Variants in WDR70 observed in about 807,000 individuals in gnomAD.
WDR70 encodes WD repeat-containing protein 70.
A neutral mutation model predicts 88.6 loss-of-function variants in WDR70; 53 were observed. The ratio of observed to expected loss-of-function variants is 0.60; its 90% CI spans 0.48 to 0.75. The LOEUF (loss-of-function observed/expected upper bound fraction) is 0.75, where lower values mean the gene tolerates loss of function less well. Ranked by LOEUF, WDR70 falls within the 30% of genes least tolerant of loss-of-function variation. The probability of loss-of-function intolerance (pLI) is 0.00; values close to 1 mark genes in which losing one functional copy is unlikely to be tolerated. For synonymous variants in WDR70, 280 were observed against 270.0 expected (o/e 1.04, Z -0.36); for missense variants, 610 against 823.2 (o/e 0.74, Z 3.17).
At chr5:37,481,709 T>G (rs12188658) in intron 8 of WDR70, among the ~76,000 whole-genome samples, 1 of 152,066 alleles carries the variant, frequency 6.6e-6, no homozygotes, top group African/African-American at 2.4e-5. Context: ...TGATTAACAT[T>G]TGGCTCCTCA....
chr5:37,583,664 C>G (rs1431245546), intron 9 of WDR70, among the ~76,000 whole-genome samples: 1 of 150,168 alleles, frequency 6.7e-6, no homozygotes, highest in East Asian at 2.0e-4. Context: ...CTATGACACG[C>G]AGTCATAGTA....
At chr5:37,523,771 A>T (rs1741172213) in intron 9 of WDR70, among the ~76,000 whole-genome samples, 2 of 152,238 alleles carry the variant, frequency 1.3e-5, no homozygotes, top group African/African-American at 4.8e-5. Flanking sequence ...TAACCAGTGT[A>T]GAGAAGTCCT....
chr5:37,605,020 C>CTTT, intron 9 of WDR70, 44 bp from the exon 10 acceptor site: 1 of 1,334,214 alleles, frequency 7.5e-7, no homozygotes, highest in Non-Finnish European at 1.0e-6. Context: ...CCCCCTCCTT[C>CTTT]TTTTTTTTTT....
intron 9 of WDR70, among the ~76,000 whole-genome samples, chr5:37,545,219 A>G (rs1464688229): frequency 6.6e-6 from 1 of 152,160 alleles, no homozygotes; most frequent in East Asian, 1.9e-4. Context: ...ACAATTCTGT[A>G]GAAATACCTC....
intron 10 of WDR70, among the ~76,000 whole-genome samples, chr5:37,671,923 A>G (rs1451512773): frequency 1.3e-5 from 2 of 152,136 alleles, no homozygotes; most frequent in Non-Finnish European, 2.9e-5. Context: ...TCAGACTGTT[A>G]CTGTGTCTAT....
At chr5:37,539,080 A>G (rs1291225165) in intron 9 of WDR70, among the ~76,000 whole-genome samples, 4 of 152,150 alleles carry the variant, frequency 2.6e-5, no homozygotes, top group Non-Finnish European at 4.4e-5. Flanking sequence ...GGGTTTTTCT[A>G]TTACATACTC....
chr5:37,686,588 A>G (rs1437357606), intron 10 of WDR70, among the ~76,000 whole-genome samples: 2 of 151,340 alleles, frequency 1.3e-5, no homozygotes, highest in Non-Finnish European at 2.9e-5. Flanking sequence ...AAGTATAAAA[A>G]CCAGCCAGGC....
chr5:37,749,848 C>T (rs1447872688), intron 17 of WDR70, among the ~76,000 whole-genome samples: 4 of 110,700 alleles, frequency 3.6e-5, no homozygotes, highest in South Asian at 6.6e-4. Flanking sequence ...AAACCAAAAA[C>T]GCAGTATCTC....
intron 3 of WDR70, among the ~76,000 whole-genome samples, chr5:37,389,708 G>T (rs925724719): frequency 6.6e-6 from 1 of 151,872 alleles, no homozygotes; most frequent in Non-Finnish European, 1.5e-5. Flanking sequence ...CACCGTGCCC[G>T]ACAGGCCCAT....
chr5:37,526,043 C>T (rs959364920), intron 9 of WDR70, among the ~76,000 whole-genome samples: 1 of 152,172 alleles, frequency 6.6e-6, no homozygotes, highest in Non-Finnish European at 1.5e-5. Flanking sequence ...CAGCCGAATT[C>T]TACTAGAGGT....
At chr5:37,578,618 A>G (rs1165250421) in intron 9 of WDR70, among the ~76,000 whole-genome samples, 1 of 152,248 alleles carries the variant, frequency 6.6e-6, no homozygotes, top group East Asian at 1.9e-4. Context: ...TTAAGGCACA[A>G]TATTTTGGGT....
intron 7 of WDR70, among the ~76,000 whole-genome samples, chr5:37,470,839 G>A (rs896433944): frequency 2.6e-5 from 4 of 151,896 alleles, no homozygotes; most frequent in Admixed American, 2.6e-4. Flanking sequence ...ATACTTGGTA[G>A]TGGAATTGCT....
At chr5:37,565,428 CATT>C (rs754288170) in intron 9 of WDR70, among the ~76,000 whole-genome samples, 3 of 151,994 alleles carry the variant, frequency 2.0e-5, no homozygotes, top group Non-Finnish European at 4.4e-5. Flanking sequence ...GCTTTTGTGT[CATT>C]AGTAACTGAG....
At chr5:37,667,844 G>T (rs1203345460) in intron 10 of WDR70, among the ~76,000 whole-genome samples, 1 of 82,730 alleles carries the variant, frequency 1.2e-5, no homozygotes, top group African/African-American at 6.8e-5. Context: ...TGTACGATCT[G>T]AAAAAAAAAA....
At chr5:37,714,762 T>G (rs1041077866) in intron 13 of WDR70, among the ~76,000 whole-genome samples, 2 of 152,358 alleles carry the variant, frequency 1.3e-5, no homozygotes, top group East Asian at 3.9e-4. Context: ...CAGACTATCA[T>G]TAATAAGAAT....
chr5:37,706,682 G>C (rs1289384186), intron 13 of WDR70, among the ~76,000 whole-genome samples: 1 of 151,258 alleles, frequency 6.6e-6, no homozygotes, highest in East Asian at 1.9e-4. Context: ...TCAGTCTAGG[G>C]TATATGTTTA....
At chr5:37,600,419 C>G (rs961631334) in intron 9 of WDR70, among the ~76,000 whole-genome samples, 3 of 149,148 alleles carry the variant, frequency 2.0e-5, no homozygotes, top group South Asian at 2.1e-4. Context: ...CCCAGCTACT[C>G]GGGAGGCTAA....
intron 5 of WDR70, among the ~76,000 whole-genome samples, chr5:37,418,257 A>G (rs559052656): frequency 6.6e-6 from 1 of 152,104 alleles, no homozygotes; most frequent in Admixed American, 6.5e-5. Flanking sequence ...TGACCTAAAA[A>G]TTTTAATTTT....
At chr5:37,391,512 C>T (rs13176515) in intron 3 of WDR70, among the ~76,000 whole-genome samples, 26,277 of 152,136 alleles carry the variant, frequency 0.17, 2,668 homozygotes, top group East Asian at 0.3. Context: ...ATACAATATT[C>T]GTCTTTTTGT....
Sources: allele counts gnomAD v4.1 joint callset (sites outside exome capture counted in the v4.1 genomes callset), GRCh38; gene constraint gnomAD v4.1.1; transcripts MANE v1.5; gene names NCBI Gene and HGNC (gene_info 2026-07-23, HGNC 2026-07-21).